The following KYAT3 variants were observed in gnomAD, a reference collection of about 807,000 sequenced individuals.
KYAT3 encodes kynurenine--oxoglutarate transaminase 3.
A neutral mutation model predicts 59.0 loss-of-function variants in KYAT3; 50 were observed. That is an observed-to-expected ratio of 0.85 (90% CI 0.68 to 1.07). KYAT3 has a LOEUF of 1.07. KYAT3 is among the 50% of genes least tolerant of loss of function. The probability of loss-of-function intolerance (pLI) is 0.00; values close to 1 mark genes in which losing one functional copy is unlikely to be tolerated. For missense variants in KYAT3, 497 were observed against 533.3 expected (o/e 0.93, Z 0.67); for synonymous variants, 148 against 177.0 (o/e 0.84, Z 1.30).
chr1:88,986,358 G>C (rs1372691711), intron 2 of KYAT3, among the ~76,000 whole-genome samples: 1 of 150,550 alleles, frequency 6.6e-6, no homozygotes, highest in African/African-American at 2.4e-5. Flanking sequence ...AGGCGCGGTG[G>C]CTCACGCCTG....
At chr1:88,924,880 G>A in the KYAT3 span, among the ~76,000 whole-genome samples, 1 of 152,206 alleles carries the variant, frequency 6.6e-6, no homozygotes, top group East Asian at 1.9e-4. Flanking sequence ...GCTTCTAATA[G>A]AGCTATAACA....
intron 8 of KYAT3, among the ~76,000 whole-genome samples, chr1:88,960,890 T>G (rs992846701): frequency 6.6e-6 from 1 of 152,254 alleles, no homozygotes; most frequent in Non-Finnish European, 1.5e-5. Context: ...AAGTAATTGC[T>G]GGATTTCTGC....
chr1:88,946,635 G>A (rs1167833508), intron 11 of KYAT3, among the ~76,000 whole-genome samples: 1 of 151,944 alleles, frequency 6.6e-6, no homozygotes, highest in Non-Finnish European at 1.5e-5. Context: ...TGATTCAAAG[G>A]CAAAAATATA....
intron 2 of KYAT3, chr1:88,982,729 T>G (rs1411283952): frequency 6.2e-7 from 1 of 1,613,956 alleles, no homozygotes; most frequent in Non-Finnish European, 8.5e-7. Flanking sequence ...CTCCGCGGCT[T>G]GAACTGCTGT....
chr1:88,964,125 C>T (rs912211884), intron 5 of KYAT3, among the ~76,000 whole-genome samples: 4 of 152,166 alleles, frequency 2.6e-5, no homozygotes, highest in Admixed American at 1.3e-4. Flanking sequence ...ATCACTTGAA[C>T]CCGTGAGGTG....
chr1:88,990,516 C>T (rs908351886), intron 1 of KYAT3, among the ~76,000 whole-genome samples: 1 of 152,216 alleles, frequency 6.6e-6, no homozygotes, highest in African/African-American at 2.4e-5. Flanking sequence ...GCTTTAGATA[C>T]TGGCAGGCAA....
At chr1:88,936,497 C>T (rs1172972337) in intron 13 of KYAT3, among the ~76,000 whole-genome samples, 1 of 152,136 alleles carries the variant, frequency 6.6e-6, no homozygotes, top group Non-Finnish European at 1.5e-5. Flanking sequence ...CTGCTCCACC[C>T]CTTCTTCACC....
chr1:88,976,633 A>T (rs189774296), intron 2 of KYAT3, among the ~76,000 whole-genome samples: 48 of 152,356 alleles, frequency 3.2e-4, no homozygotes, highest in Middle Eastern at 3.4e-3. Context: ...ACTATAAAAC[A>T]GCCTCAGGCA....
chr1:88,954,428 C>A (rs1036482623), intron 9 of KYAT3, among the ~76,000 whole-genome samples: 2 of 152,100 alleles, frequency 1.3e-5, no homozygotes, highest in East Asian at 1.9e-4. Context: ...TCATACCCAC[C>A]TTATAGTGTG....
At chr1:88,946,993 G>A (rs183894088) in intron 11 of KYAT3, among the ~76,000 whole-genome samples, 1 of 152,308 alleles carries the variant, frequency 6.6e-6, no homozygotes, top group Admixed American at 6.5e-5. Context: ...ACCAGAAGCA[G>A]GGCTTAGTCA....
At chr1:88,954,055 C>A (rs1258416863) in intron 9 of KYAT3, among the ~76,000 whole-genome samples, 2 of 152,104 alleles carry the variant, frequency 1.3e-5, no homozygotes, top group Non-Finnish European at 2.9e-5. Context: ...GCATGCGCCA[C>A]CACGCCCAGC....
intron 4 of KYAT3, among the ~76,000 whole-genome samples, chr1:88,968,170 T>C (rs1462898693): frequency 1.3e-5 from 2 of 152,152 alleles, no homozygotes; most frequent in Non-Finnish European, 2.9e-5. Flanking sequence ...AGACAAGTGG[T>C]CAGACATATG....
At chr1:88,986,583 C>T (rs546914094) in intron 2 of KYAT3, among the ~76,000 whole-genome samples, 7 of 151,642 alleles carry the variant, frequency 4.6e-5, no homozygotes, top group East Asian at 2.0e-4. Context: ...TTAGCCACTG[C>T]GCCCCGCCTA....
At chr1:88,961,546 G>A in intron 6 of KYAT3, 40 bp from the exon 7 acceptor site, 1 of 1,560,626 alleles carries the variant, frequency 6.4e-7, no homozygotes, top group Non-Finnish European at 8.7e-7. Context: ...ATTCAATTAA[G>A]TCATGTTTAC....
At chr1:88,960,190 C>T (rs1228253868) in intron 8 of KYAT3, among the ~76,000 whole-genome samples, 1 of 151,744 alleles carries the variant, frequency 6.6e-6, no homozygotes, top group Non-Finnish European at 1.5e-5. Flanking sequence ...CCACTTTAGC[C>T]TCTCAAAGTG....
chr1:88,951,187 C>G (rs1288338205), intron 10 of KYAT3, among the ~76,000 whole-genome samples: 1 of 152,054 alleles, frequency 6.6e-6, no homozygotes, highest in Non-Finnish European at 1.5e-5. Context: ...TTCCTCTTCC[C>G]TATTTTATCT....
chr1:88,983,007 C>A (rs779772048), intron 2 of KYAT3: 1 of 1,613,138 alleles, frequency 6.2e-7, no homozygotes, highest in African/African-American at 1.3e-5. Flanking sequence ...CTTGGATGAT[C>A]TGAATAGTCA....
Position 88,943,437 on chromosome 1 carries a change from GA to G in KYAT3, c.1142-15del. 1 of 1,419,612 alleles carries G rather than the reference GA, an allele frequency of 7.0e-7. No individual in the cohort carries two copies. Among genetic ancestry groups the G allele is most frequent in the Non-Finnish European group, 9.7e-7 (1 of 1,029,996 alleles). 87.9% of individuals were successfully genotyped at this position (1,419,612 alleles called of 1,614,324 possible). On this transcript the variant is annotated splice_polypyrimidine_tract_variant and intron_variant, in intron 11 of 13. Coordinates refer to ENST00000260508, the MANE Select transcript of KYAT3 (RefSeq NM_001008661.3). The stretch of plus-strand genomic sequence containing the variant: ...AGAGGTCTGGATCTAAAACCACAAT[GA>G]AAATTAGGTGGCCTATGAATTTCAT...
rs145055133 is a variant in KYAT3, at chr1:88,988,273, G to C, written c.78C>G (p.Ile26Met). ...CTACAGCAGAAGTAGAGAATCCGAG[G>C]ATTTTGGAAGAAGAAATTGTCTTCA... ...KFLKTISSSK[I>M]LGFSTSAKMS... The change falls in exon 2 of 14, where the codon ATC becomes ATG. Residue 26 changes from isoleucine to methionine, a missense_variant. Ile to Met is a conservative substitution (Grantham distance 10). Coordinates refer to ENST00000260508, the MANE Select transcript of KYAT3 (RefSeq NM_001008661.3). 3.6e-4 allele frequency: 574 copies of C among 1,613,274 alleles called. 3 individuals are homozygous for C. In the Middle Eastern group the frequency reaches 5.4e-3, roughly 15 times the overall value.
Sources: allele counts gnomAD v4.1 joint callset (sites outside exome capture counted in the v4.1 genomes callset), GRCh38; gene constraint gnomAD v4.1.1; transcripts MANE v1.5; gene names NCBI Gene and HGNC (gene_info 2026-07-23, HGNC 2026-07-21).